Variants in PFKFB1 observed in about 807,000 individuals in gnomAD.
PFKFB1 encodes the protein 6-phosphofructo-2-kinase/fructose-2,6-biphosphatase 1, also known as 6-phosphofructo-2-kinase/fructose-2,6-bisphosphatase 1.
In PFKFB1, 34 loss-of-function variants were observed where a neutral mutation model predicts 46.4. That is an observed-to-expected ratio of 0.73 (90% CI 0.56 to 0.98). The LOEUF (loss-of-function observed/expected upper bound fraction) is 0.98, where lower values mean the gene tolerates loss of function less well. PFKFB1 is among the 50% of genes least tolerant of loss of function. The pLI, the probability that PFKFB1 is intolerant of heterozygous loss-of-function variation, is 0.00. For missense variants in PFKFB1, 393 were observed against 376.3 expected, an observed-to-expected ratio of 1.04 and a Z score of -0.37; for synonymous variants, 119 against 133.8, an observed-to-expected ratio of 0.89 and a Z score of 0.76.
intron 1 of PFKFB1, among the ~76,000 whole-genome samples, chrX:54,991,327 AT>A (rs1935232415): frequency 8.9e-6 from 1 of 111,850 alleles, no homozygotes. Flanking sequence ...AGCCAAAAAA[AT>A]CTTACAATGG....
rs1294876637 is a variant in PFKFB1 at position 54,979,043 on chromosome X, T to C, written c.97+14868A>G. On this transcript the variant is annotated intron_variant, in intron 1 of 13. Coordinates refer to ENST00000375006, the MANE Select transcript of PFKFB1 (RefSeq NM_002625.4). ...TGAATAAATTATGTAGTTTAGTTAA[T>C]AGTAACTTACCCATGTTAATTTATT... Among the ~76,000 whole-genome samples the C allele has an allele frequency of 2.7e-5, 3 of 111,947 alleles. No individual in the cohort carries two copies. In the South Asian group the frequency reaches 1.1e-3, roughly 41 times the overall value.
intron 10 of PFKFB1, among the ~76,000 whole-genome samples, chrX:54,940,525 A>G (rs976189584): frequency 9.8e-5 from 11 of 112,145 alleles, no homozygotes; most frequent in Non-Finnish European, 1.5e-4. Flanking sequence ...CCTTAAGCTG[A>G]TAAGCAACTT....
rs771632794 is a variant in PFKFB1 at position 54,956,285 on chromosome X, G to A, written c.517-11C>T. The A allele has an allele frequency of 2.5e-6, 3 of 1,209,983 alleles. No individual in the cohort carries two copies. The highest frequency in any genetic ancestry group is 2.2e-6 in the Non-Finnish European group (2 of 894,373). On this transcript the variant is annotated splice_polypyrimidine_tract_variant and intron_variant, in intron 6 of 13. Transcript: ENST00000375006. The stretch of plus-strand genomic sequence containing the variant: ...GCCAAGTTTCACTTGCTGGGAGCAG[G>A]GAGAACAGAGGTATCAAGGGAGACA...
chrX:54,969,579 C>G (rs1038492648), intron 1 of PFKFB1, among the ~76,000 whole-genome samples: 3 of 112,184 alleles, frequency 2.7e-5, no homozygotes, highest in Non-Finnish European at 5.6e-5. Flanking sequence ...AAACTTTTTA[C>G]AAAATACAAT....
chrX:54,940,465 G>A (rs1933581473), intron 10 of PFKFB1, among the ~76,000 whole-genome samples: 1 of 111,889 alleles, frequency 8.9e-6, no homozygotes, highest in Admixed American at 9.5e-5. Flanking sequence ...CCTGTTTGCA[G>A]AAGACATGAT....
chrX:54,965,410 C>A (rs1934446739), intron 1 of PFKFB1, among the ~76,000 whole-genome samples: 1 of 111,718 alleles, frequency 9.0e-6, no homozygotes. Flanking sequence ...GAAATGAAAC[C>A]TTTAAAGTAT....
chrX:54,938,724 C>G lies in PFKFB1; in HGVS notation c.1099-1000G>C, dbSNP rs760684833. Among the ~76,000 whole-genome samples the G allele has an allele frequency of 4.8e-3, 536 of 111,676 alleles. 2 individuals carry two copies. Among genetic ancestry groups the G allele is most frequent in the Non-Finnish European group, 5.3e-3 (280 of 53,112 alleles). ...AATATATATGCACCCAATACAGGAG[C>G]ACCCAGATTCATAAAGCAAGTCCTG... On this transcript the variant is annotated intron_variant, in intron 10 of 13. Transcript: ENST00000375006.
intron 6 of PFKFB1, among the ~76,000 whole-genome samples, chrX:54,957,311 C>T (rs1021560483): frequency 4.5e-5 from 5 of 111,751 alleles, no homozygotes; most frequent in South Asian, 3.8e-4. Flanking sequence ...TCCCTGATTT[C>T]TGCCCCCATG....
intron 11 of PFKFB1, among the ~76,000 whole-genome samples, chrX:54,936,878 C>T (rs7876830): frequency 0.042 from 4,612 of 111,085 alleles, 258 homozygotes; most frequent in African/African-American, 0.14. Context: ...TTTTGCATTG[C>T]TCTGAGACAC....
At chrX:54,954,723 T>C (rs992603430) in intron 7 of PFKFB1, among the ~76,000 whole-genome samples, 1 of 111,673 alleles carries the variant, frequency 9.0e-6, no homozygotes, top group African/African-American at 3.3e-5. Flanking sequence ...TGTGTACTCA[T>C]TGTCTTCTCC....
At chrX:54,986,526 T>C (rs930139958) in intron 1 of PFKFB1, among the ~76,000 whole-genome samples, 1 of 111,435 alleles carries the variant, frequency 9.0e-6, no homozygotes, top group Non-Finnish European at 1.9e-5. Flanking sequence ...ACAACAGAGC[T>C]GCCAAATACA....
At chrX:54,976,669 T>G (rs888912227) in intron 1 of PFKFB1, among the ~76,000 whole-genome samples, 5 of 111,475 alleles carry the variant, frequency 4.5e-5, no homozygotes, top group African/African-American at 6.5e-5. Context: ...AAAAATTAAG[T>G]TTACACAAAA....
intron 10 of PFKFB1, among the ~76,000 whole-genome samples, chrX:54,940,861 T>A (rs1287429359): frequency 9.0e-6 from 1 of 111,650 alleles, no homozygotes; most frequent in African/African-American, 3.3e-5. Context: ...AAGCTACCAA[T>A]GCCTTTCTTC....
At chrX:54,963,921 A>C (rs1934395483) in intron 1 of PFKFB1, among the ~76,000 whole-genome samples, 1 of 112,017 alleles carries the variant, frequency 8.9e-6, no homozygotes, top group Non-Finnish European at 1.9e-5. Flanking sequence ...ATGGAGCAAA[A>C]GCCTTACTAT....
At chrX:54,964,187 C>T (rs1391685885) in intron 1 of PFKFB1, among the ~76,000 whole-genome samples, 5 of 109,387 alleles carry the variant, frequency 4.6e-5, no homozygotes, top group Non-Finnish European at 7.6e-5. Context: ...TGTGCTAAGC[C>T]CACTTGGGTT....
At chrX:54,954,469 C>T (rs1284100325) in intron 7 of PFKFB1, among the ~76,000 whole-genome samples, 5 of 112,109 alleles carry the variant, frequency 4.5e-5, no homozygotes, top group East Asian at 2.8e-4. Flanking sequence ...GCTGAGATCA[C>T]GCAACTGCAC....
chrX:54,971,577 T>C (rs367842912), intron 1 of PFKFB1, among the ~76,000 whole-genome samples: 13 of 107,244 alleles, frequency 1.2e-4, no homozygotes, highest in Middle Eastern at 4.7e-3. Context: ...TTTCCCAGCA[T>C]CATTTATTAA....
chrX:54,955,586 CCCAAAGGGT>C (rs1387556350), intron 7 of PFKFB1, among the ~76,000 whole-genome samples: 1 of 110,958 alleles, frequency 9.0e-6, no homozygotes, highest in Non-Finnish European at 1.9e-5. Flanking sequence ...TATACCACAG[CCCAAAGGGT>C]CCAAATACTT....
At chrX:54,971,979 G>A (rs2146657438) in intron 1 of PFKFB1, among the ~76,000 whole-genome samples, 1 of 111,627 alleles carries the variant, frequency 9.0e-6, no homozygotes, top group Admixed American at 9.5e-5. Flanking sequence ...AGCATGGAAT[G>A]TTCTTCCATT....
Sources: allele counts gnomAD v4.1 joint callset (sites outside exome capture counted in the v4.1 genomes callset), GRCh38; gene constraint gnomAD v4.1.1; transcripts MANE v1.5; gene names NCBI Gene and HGNC (gene_info 2026-07-23, HGNC 2026-07-21).